MYOCD: variants seen among roughly 807,000 people sequenced by gnomAD.
The protein encoded by MYOCD is myocardin.
MYOCD carries 32 observed loss-of-function variants against 96.1 expected under a neutral mutation model. That is an observed-to-expected ratio of 0.33 (90% CI 0.25 to 0.45). MYOCD has a LOEUF of 0.45. Among genes scored for constraint, MYOCD ranks in the 20% least tolerant of loss-of-function variants. The pLI is 1.00. For synonymous variants in MYOCD, 469 were observed against 469.0 expected, an observed-to-expected ratio of 1.00 and a Z score of 0.00; for missense variants, 1,133 against 1,200.6, an observed-to-expected ratio of 0.94 and a Z score of 0.83.
intron 1 of MYOCD, among the ~76,000 whole-genome samples, chr17:12,704,173 C>T (rs933558882): frequency 2.0e-5 from 3 of 152,010 alleles, no homozygotes; most frequent in African/African-American, 7.2e-5. Flanking sequence ...CTGGAAAACA[C>T]GGTTTTTATT....
chr17:12,767,726 G>T lies in MYOCD; in HGVS notation c.*4082G>T, dbSNP rs1215666942. 1.3e-5 allele frequency: 2 copies of T among 152,152 alleles called. No homozygotes were observed. Among genetic ancestry groups the T allele is most frequent in the Non-Finnish European group, 2.9e-5 (2 of 68,032 alleles). The allele number at this position is 152,152 out of a possible 1,614,324, so 9.4% of individuals were successfully genotyped here. A position where few individuals can be genotyped will look rare whatever the true frequency, so the allele number is the denominator to read the frequency against. On this transcript the variant is annotated 3_prime_UTR_variant, in exon 14 of 14. Coordinates refer to ENST00000425538, the MANE Select transcript of MYOCD (RefSeq NM_001146312.3). ...TCTTTTTCTTTGTGGACAAACACCA[G>T]TAGTCTATCACTTGGAGATCTTTTA... is the stretch of plus-strand genomic sequence containing the variant.
intron 1 of MYOCD, among the ~76,000 whole-genome samples, chr17:12,703,380 A>T (rs979500912): frequency 5.3e-5 from 8 of 150,778 alleles, no homozygotes; most frequent in African/African-American, 1.7e-4. Context: ...GAATCTGTAC[A>T]TTTTTTTTCA....
At chr17:12,717,504 G>T in intron 4 of MYOCD, 83 bp downstream of exon 4, 2 of 1,114,636 alleles carry the variant, frequency 1.8e-6, no homozygotes, top group Non-Finnish European at 2.6e-6. Flanking sequence ...CTGTACAGTT[G>T]CTAAGCCCTC....
chr17:12,677,711 CA>C (rs961749999), intron 1 of MYOCD, among the ~76,000 whole-genome samples: 127 of 119,162 alleles, frequency 1.1e-3, no homozygotes, highest in Middle Eastern at 4.2e-3. Flanking sequence ...GACTCTGTCT[CA>C]AAAAAAAAAA....
intron 1 of MYOCD, among the ~76,000 whole-genome samples, chr17:12,688,158 A>G (rs542351531): frequency 1.3e-5 from 2 of 152,346 alleles, no homozygotes; most frequent in South Asian, 4.1e-4. Flanking sequence ...AGTCTCCTAC[A>G]CCCAGTGGAG....
chr17:12,762,743 G>A (rs772138589), intron 13 of MYOCD: 4 of 230,290 alleles, frequency 1.7e-5, no homozygotes, highest in East Asian at 9.1e-5. Context: ...ATGGCATGGC[G>A]CCTGGTCCCT....
intron 1 of MYOCD, among the ~76,000 whole-genome samples, chr17:12,684,012 C>G (rs2029954543): frequency 6.6e-6 from 1 of 152,176 alleles, no homozygotes; most frequent in African/African-American, 2.4e-5. Flanking sequence ...TACCAATAAT[C>G]ATAGTAATAG....
At chr17:12,707,562 A>T (rs2031335185) in intron 2 of MYOCD, among the ~76,000 whole-genome samples, 1 of 152,036 alleles carries the variant, frequency 6.6e-6, no homozygotes, top group Non-Finnish European at 1.5e-5. Flanking sequence ...AAAAAAGAAA[A>T]AATTAGCCAG....
chr17:12,768,723 C>A lies in MYOCD; in HGVS notation c.*5079C>A, dbSNP rs575698058. The A allele has an allele frequency of 2.0e-5, 3 of 151,954 alleles. No individual in the cohort carries two copies. Among genetic ancestry groups the A allele is most frequent in the South Asian group, 2.1e-4 (1 of 4,806 alleles). The allele number at this position is 151,954 out of a possible 1,614,324, so 9.4% of individuals were successfully genotyped here. On this transcript the variant is annotated 3_prime_UTR_variant, in exon 14 of 14. Coordinates refer to ENST00000425538, the MANE Select transcript of MYOCD (RefSeq NM_001146312.3). ...CCTCCCTCAGTGAAGCACAAAGAGA[C>A]ACTTTGTAAAGAAAAAAAGAGCAAG...
At chr17:12,723,511 T>C (rs1322868806) in intron 5 of MYOCD, among the ~76,000 whole-genome samples, 2 of 152,162 alleles carry the variant, frequency 1.3e-5, no homozygotes, top group East Asian at 3.9e-4. Context: ...ACAGTACATG[T>C]AAAAACTCTG....
rs1336836577 is a variant in MYOCD at position 12,746,039 on chromosome 17, A to C, written c.1092A>C (p.Pro364=). The change falls in exon 9 of 14, where the codon CCA becomes CCC. Residue 364 remains proline (P), a synonymous_variant. Transcript: ENST00000425538. ...AAACTGGTGTCTCTTCTTTCAAACCAGGCCCACTCCCACCTAACCTGGATG... is the reference window on the plus strand; with the variant it reads ...AAACTGGTGTCTCTTCTTTCAAACCCGGCCCACTCCCACCTAACCTGGATG... ...SGQTGVSSFK[P]GPLPPNLDDL... 1 of 1,614,232 alleles carries C rather than the reference A, an allele frequency of 6.2e-7. No individual in the cohort carries two copies. Among genetic ancestry groups the C allele is most frequent in the Admixed American group, 1.7e-5 (1 of 60,016 alleles).
intron 13 of MYOCD, chr17:12,761,971 G>A (rs2033190772): frequency 6.6e-6 from 1 of 152,334 alleles, no homozygotes. Context: ...AGAAAAGCGT[G>A]AGGATGCAGA....
chr17:12,768,020 G>A lies in MYOCD; in HGVS notation c.*4376G>A, dbSNP rs901114177. 5 of 152,142 alleles carry A rather than the reference G, an allele frequency of 3.3e-5. No individual in the cohort carries two copies. Among genetic ancestry groups the A allele is most frequent in the Non-Finnish European group, 7.3e-5 (5 of 68,030 alleles). The allele number at this position is 152,142 out of a possible 1,614,324, so 9.4% of individuals were successfully genotyped here. Reference sequence around the variant, plus strand: ...CAGAAGGAAGTTCCCAAAATTGCTGGTACACAGTTTGCAATCAAATATCAG... The same window carrying A: ...CAGAAGGAAGTTCCCAAAATTGCTGATACACAGTTTGCAATCAAATATCAG... On this transcript the variant is annotated 3_prime_UTR_variant, in exon 14 of 14. Transcript: ENST00000425538.
At chr17:12,713,283 T>C (rs1385336572) in intron 2 of MYOCD, among the ~76,000 whole-genome samples, 2 of 152,160 alleles carry the variant, frequency 1.3e-5, no homozygotes, top group South Asian at 2.1e-4. Flanking sequence ...AAGTGATGAA[T>C]TGTAGTTCTA....
intron 10 of MYOCD, among the ~76,000 whole-genome samples, chr17:12,754,126 A>G (rs2032943410): frequency 6.7e-6 from 1 of 150,244 alleles, no homozygotes; most frequent in African/African-American, 2.4e-5. Flanking sequence ...TTTTTTTGAG[A>G]TAGAGTCTCG....
At chr17:12,750,614 G>A (rs1266924462) in intron 9 of MYOCD, among the ~76,000 whole-genome samples, 3 of 152,012 alleles carry the variant, frequency 2.0e-5, no homozygotes, top group African/African-American at 7.2e-5. Flanking sequence ...GCTTGAACCC[G>A]GGAGGTGGAG....
intron 1 of MYOCD, among the ~76,000 whole-genome samples, chr17:12,689,791 A>G (rs2030351783): frequency 6.6e-6 from 1 of 152,190 alleles, no homozygotes; most frequent in Non-Finnish European, 1.5e-5. Context: ...AGATCACACC[A>G]CTGCACTCCA....
chr17:12,739,415 A>G (rs1457445190), intron 7 of MYOCD, 87 bp downstream of exon 7: 50 of 1,431,918 alleles, frequency 3.5e-5, no homozygotes, highest in Non-Finnish European at 4.5e-5. Context: ...TAGGTCTGAC[A>G]ACACGAGGAG....
intron 5 of MYOCD, among the ~76,000 whole-genome samples, chr17:12,730,283 T>C (rs1270195308): frequency 6.6e-6 from 1 of 151,690 alleles, no homozygotes; most frequent in East Asian, 1.9e-4. Context: ...ACCCCATCTC[T>C]ACTAAAAATA....
Sources: allele counts gnomAD v4.1 joint callset (sites outside exome capture counted in the v4.1 genomes callset), GRCh38; gene constraint gnomAD v4.1.1; transcripts MANE v1.5; gene names NCBI Gene and HGNC (gene_info 2026-07-23, HGNC 2026-07-21).